KCNQ3: variants seen among roughly 807,000 people sequenced by gnomAD.
KCNQ3 encodes the protein potassium voltage-gated channel subfamily KQT member 3.
KCNQ3 carries 30 observed loss-of-function variants against 92.5 expected under a neutral mutation model. The observed-to-expected ratio is 0.32, with a 90% CI of 0.24 to 0.44. The LOEUF (loss-of-function observed/expected upper bound fraction) is 0.44, where lower values mean the gene tolerates loss of function less well. Ranked by LOEUF, KCNQ3 falls within the 20% of genes least tolerant of loss-of-function variation. The pLI, the probability that KCNQ3 is intolerant of heterozygous loss-of-function variation, is 1.00. For synonymous variants in KCNQ3, 450 were observed against 468.8 expected, an observed-to-expected ratio of 0.96 and a Z score of 0.52; for missense variants, 913 against 1,140.3, an observed-to-expected ratio of 0.80 and a Z score of 2.87.
intron 1 of KCNQ3, among the ~76,000 whole-genome samples, chr8:132,436,399 G>A (rs1448901312): frequency 1.3e-5 from 2 of 152,134 alleles, no homozygotes; most frequent in Non-Finnish European, 2.9e-5. Context: ...CTAGATCCAT[G>A]CGGAATACCT....
At chr8:132,253,076 G>T (rs796286548) in intron 1 of KCNQ3, among the ~76,000 whole-genome samples, 6 of 152,262 alleles carry the variant, frequency 3.9e-5, no homozygotes, top group African/African-American at 1.4e-4. Flanking sequence ...CGGCACTTCT[G>T]CATCCCTTTT....
intron 1 of KCNQ3, among the ~76,000 whole-genome samples, chr8:132,346,925 T>C (rs1210958986): frequency 1.3e-5 from 2 of 152,162 alleles, no homozygotes; most frequent in Non-Finnish European, 2.9e-5. Context: ...AGGGAGAATA[T>C]AGTATAGACT....
intron 9 of KCNQ3, among the ~76,000 whole-genome samples, chr8:132,155,959 C>A (rs1230420341): frequency 1.3e-5 from 2 of 152,090 alleles, no homozygotes; most frequent in Non-Finnish European, 2.9e-5. Flanking sequence ...AACAGGTTTG[C>A]AAAATTAGTT....
intron 1 of KCNQ3, among the ~76,000 whole-genome samples, chr8:132,203,800 TTAGTC>T (rs1454687791): frequency 2.6e-5 from 4 of 152,198 alleles, no homozygotes; most frequent in East Asian, 1.9e-4. Flanking sequence ...AATAAAATGT[TTAGTC>T]TAGTGCTTGA....
At position 132,186,157 on chromosome 8, in the gene KCNQ3, C is replaced by A; in HGVS notation, c.411G>T (p.Leu137Phe). Residue 137 changes from leucine to phenylalanine, a missense_variant, in exon 2 of 15, where the codon TTG becomes TTT. Physicochemically the swap from Leu to Phe is conservative, Grantham distance 22. This residue lies in a region of KCNQ3 where 100 missense variants were observed against 217.6 expected (regional missense o/e 0.46). Transcript: ENST00000388996. ...TGAATGTGGTCAGGACAGCCAGAATCAAGCACCCCAGGACAATCAGGAACC... is the reference window on the plus strand; with the variant it reads ...TGAATGTGGTCAGGACAGCCAGAATAAAGCACCCCAGGACAATCAGGAACC... ...ALVFLIVLGC[L>F]ILAVLTTFKE... 6.2e-7 allele frequency: 1 copy of A among 1,613,794 alleles called. No individual in the cohort carries two copies. Among genetic ancestry groups the A allele is most frequent in the South Asian group, 1.1e-5 (1 of 91,050 alleles).
At chr8:132,377,338 G>A (rs1008658270) in intron 1 of KCNQ3, among the ~76,000 whole-genome samples, 3 of 152,178 alleles carry the variant, frequency 2.0e-5, no homozygotes, top group African/African-American at 7.2e-5. Flanking sequence ...GCAGACAGCA[G>A]ATCAAGAGAC....
rs149194366 is a variant in KCNQ3 at position 132,288,494 on chromosome 8, C to G, written c.387-102313G>C. Among the ~76,000 whole-genome samples, 274 of 152,288 alleles carry G rather than the reference C, an allele frequency of 1.8e-3. 1 individual carries two copies. Among genetic ancestry groups the G allele is most frequent in the African/African-American group, 6.5e-3 (270 of 41,558 alleles). On this transcript the variant is annotated intron_variant, in intron 1 of 14. Transcript: ENST00000388996. The stretch of plus-strand genomic sequence containing the variant: ...CTTCACTAACTCCATAAGTCACCCT[C>G]ATCACATTTGCCCATGCTGTGCCAG...
intron 1 of KCNQ3, among the ~76,000 whole-genome samples, chr8:132,462,052 A>G (rs1166568711): frequency 6.6e-6 from 1 of 152,228 alleles, no homozygotes; most frequent in African/African-American, 2.4e-5. Flanking sequence ...TCGAGGATCA[A>G]AATGACAGCT....
chr8:132,480,423 C>A lies in KCNQ3; in HGVS notation c.110G>T (p.Gly37Val). 6.8e-7 allele frequency: 1 copy of A among 1,469,428 alleles called. No homozygotes were observed. The highest frequency in any genetic ancestry group is 9.0e-7 in the Non-Finnish European group (1 of 1,114,436). The allele number at this position is 1,469,428 out of a possible 1,614,324, so 91.0% of individuals were successfully genotyped here. ...CAGCCCCACTTTCCGCTCCTCGTCGCCGGCCGCCGCCGCGTCCCCTCCGGC... is the reference window on the plus strand; with the variant it reads ...CAGCCCCACTTTCCGCTCCTCGTCGACGGCCGCCGCCGCGTCCCCTCCGGC... ...NPAGGDAAAA[G>V]DEERKVGLAP... Residue 37 changes from glycine to valine, a missense_variant, in exon 1 of 15, where the codon GGC (glycine) becomes GTC (valine). By Grantham distance (109) the Gly-to-Val change is moderately radical. Transcript: ENST00000388996.
At chr8:132,413,715 C>A (rs779257252) in intron 1 of KCNQ3, among the ~76,000 whole-genome samples, 39 of 152,202 alleles carry the variant, frequency 2.6e-4, no homozygotes, top group Non-Finnish European at 1.6e-4. Context: ...CCCCTTTCTT[C>A]CAGAACAGAG....
At chr8:132,435,055 G>A (rs964840383) in intron 1 of KCNQ3, among the ~76,000 whole-genome samples, 1 of 152,114 alleles carries the variant, frequency 6.6e-6, no homozygotes, top group African/African-American at 2.4e-5. Flanking sequence ...CTAGGTCAGG[G>A]GTGCTGCCTC....
At chr8:132,343,383 T>G (rs1818590833) in intron 1 of KCNQ3, among the ~76,000 whole-genome samples, 1 of 152,112 alleles carries the variant, frequency 6.6e-6, no homozygotes, top group Non-Finnish European at 1.5e-5. Flanking sequence ...GCACAAGAGG[T>G]TGAAACCAGT....
At chr8:132,131,852 C>T (rs1330373306) in intron 14 of KCNQ3, among the ~76,000 whole-genome samples, 1 of 152,076 alleles carries the variant, frequency 6.6e-6, no homozygotes, top group Non-Finnish European at 1.5e-5. Flanking sequence ...CTTTGGTAGG[C>T]CGAGTTGGGC....
At chr8:132,147,086 A>G (rs1825473866) in intron 9 of KCNQ3, among the ~76,000 whole-genome samples, 2 of 152,252 alleles carry the variant, frequency 1.3e-5, no homozygotes, top group African/African-American at 4.8e-5. Flanking sequence ...TGGGAAGCAA[A>G]AACAACAGAG....
At chr8:132,350,561 C>T (rs2130703625) in intron 1 of KCNQ3, among the ~76,000 whole-genome samples, 1 of 152,286 alleles carries the variant, frequency 6.6e-6, no homozygotes, top group South Asian at 2.1e-4. Flanking sequence ...AACATCCTAC[C>T]AAGGATCCTG....
intron 1 of KCNQ3, among the ~76,000 whole-genome samples, chr8:132,249,864 G>A (rs1586864897): frequency 4.6e-5 from 7 of 152,308 alleles, no homozygotes; most frequent in African/African-American, 1.7e-4. Context: ...GCACTGCTGG[G>A]GGACCCAGTG....
chr8:132,458,902 A>C (rs1419263352), intron 1 of KCNQ3, among the ~76,000 whole-genome samples: 1 of 152,206 alleles, frequency 6.6e-6, no homozygotes, highest in Non-Finnish European at 1.5e-5. Flanking sequence ...ATTTTTATTA[A>C]CTAAAGTCCA....
At chr8:132,345,637 T>A (rs994571475) in intron 1 of KCNQ3, among the ~76,000 whole-genome samples, 1 of 152,258 alleles carries the variant, frequency 6.6e-6, no homozygotes, top group South Asian at 2.1e-4. Context: ...AACTGGGGAA[T>A]GTTTTTCTGC....
At chr8:132,380,220 G>A (rs1056982771) in intron 1 of KCNQ3, among the ~76,000 whole-genome samples, 5 of 152,218 alleles carry the variant, frequency 3.3e-5, no homozygotes, top group Non-Finnish European at 4.4e-5. Context: ...GTCTGCACCC[G>A]GCACACAGCT....
Sources: gnomAD v4.1 joint callset for allele counts (sites outside exome capture counted in the v4.1 genomes callset) on GRCh38, gnomAD v4.1.1 for gene constraint, gnomAD v4.1.1 regional missense constraint, MANE v1.5 for transcripts, NCBI Gene and HGNC (gene_info 2026-07-23, HGNC 2026-07-21) for gene names.